Variants in GDAP2 observed in about 807,000 individuals in gnomAD.
The protein encoded by GDAP2 is ganglioside induced differentiation associated protein 2, also known as ganglioside-induced differentiation-associated protein 2.
In GDAP2, 51 loss-of-function variants were observed where a neutral mutation model predicts 67.0. That is an observed-to-expected ratio of 0.76 (90% CI 0.61 to 0.96). The LOEUF is 0.96. Ranked by LOEUF, GDAP2 falls within the 40% of genes least tolerant of loss-of-function variation. The probability of loss-of-function intolerance (pLI) is 0.00; values close to 1 mark genes in which losing one functional copy is unlikely to be tolerated. For synonymous variants in GDAP2, 203 were observed against 207.3 expected, an observed-to-expected ratio of 0.98 and a Z score of 0.18; for missense variants, 547 against 588.3, an observed-to-expected ratio of 0.93 and a Z score of 0.73.
intron 6 of GDAP2, among the ~76,000 whole-genome samples, chr1:117,900,626 C>T (rs1259503576): frequency 1.3e-5 from 2 of 151,306 alleles, no homozygotes; most frequent in South Asian, 4.2e-4. Flanking sequence ...ATTACCCAGG[C>T]GTGGTGGCGC....
chr1:117,913,457 T>A (rs1026008881), intron 3 of GDAP2: 1 of 151,966 alleles, frequency 6.6e-6, no homozygotes, highest in Non-Finnish European at 1.5e-5. Flanking sequence ...TCTCTGGAGA[T>A]GCTCAACTAG....
chr1:117,883,657 G>T (rs1648748461), intron 10 of GDAP2, 30 bp from the exon 11 acceptor site: 2 of 1,543,494 alleles, frequency 1.3e-6, no homozygotes, highest in African/African-American at 1.4e-5. Flanking sequence ...TAAAGGTGAA[G>T]ATCATTTTGA....
chr1:117,878,867 T>A (rs532062153), intron 12 of GDAP2, among the ~76,000 whole-genome samples: 2 of 152,222 alleles, frequency 1.3e-5, no homozygotes, highest in Non-Finnish European at 2.9e-5. Flanking sequence ...CACAAATTAG[T>A]CCATGTTTAT....
At chr1:117,928,511 G>A (rs1189342888) in intron 1 of GDAP2, among the ~76,000 whole-genome samples, 1 of 152,206 alleles carries the variant, frequency 6.6e-6, no homozygotes, top group Non-Finnish European at 1.5e-5. Context: ...TAAAATAATA[G>A]TTTGTGGCCA....
intron 10 of GDAP2, 104 bp from the exon 11 acceptor site, chr1:117,883,731 C>T (rs559758550): frequency 1.5e-6 from 1 of 689,262 alleles, no homozygotes; most frequent in Non-Finnish European, 2.4e-6. Context: ...AATTAACCTA[C>T]TCTATGCCCT....
intron 9 of GDAP2, 38 bp downstream of exon 9, chr1:117,887,656 CTTAA>C (rs1285368272): frequency 1.1e-6 from 1 of 949,958 alleles, no homozygotes; most frequent in South Asian, 1.3e-5. Flanking sequence ...TGGTAGGGCT[CTTAA>C]TTAGTGAAAG....
chr1:117,893,095 A>G (rs1557800273), intron 8 of GDAP2, among the ~76,000 whole-genome samples: 1 of 152,176 alleles, frequency 6.6e-6, no homozygotes, highest in Non-Finnish European at 1.5e-5. Flanking sequence ...CATTTGGCAC[A>G]TTAGTAAAAG....
chr1:117,913,400 GA>G (rs1384914807), intron 3 of GDAP2: 2 of 150,542 alleles, frequency 1.3e-5, no homozygotes, highest in Admixed American at 6.6e-5. Flanking sequence ...GTAAGGTGAT[GA>G]TTTTTTTTTT....
chr1:117,870,735 G>A, intron 13 of GDAP2, 119 bp from the exon 14 acceptor site: 2 of 742,800 alleles, frequency 2.7e-6, no homozygotes, highest in Non-Finnish European at 2.4e-6. Context: ...CACATGTCTG[G>A]CACTAAGCAG....
chr1:117,878,412 G>A (rs1648539846), intron 12 of GDAP2, among the ~76,000 whole-genome samples: 1 of 152,252 alleles, frequency 6.6e-6, no homozygotes, highest in Non-Finnish European at 1.5e-5. Context: ...TCCATTACAT[G>A]TATATAAGTT....
intron 1 of GDAP2, among the ~76,000 whole-genome samples, chr1:117,922,475 C>T (rs898249941): frequency 5.3e-5 from 8 of 152,076 alleles, no homozygotes; most frequent in Non-Finnish European, 8.8e-5. Flanking sequence ...GGGAACATGC[C>T]CCCGATAATT....
intron 6 of GDAP2, among the ~76,000 whole-genome samples, chr1:117,906,078 C>A (rs1385585696): frequency 6.6e-6 from 1 of 152,050 alleles, no homozygotes; most frequent in Non-Finnish European, 1.5e-5. Flanking sequence ...TATATTAAAC[C>A]TAACTACATA....
intron 8 of GDAP2, among the ~76,000 whole-genome samples, chr1:117,889,881 T>G (rs1299131047): frequency 2.0e-5 from 3 of 152,126 alleles, no homozygotes; most frequent in Non-Finnish European, 2.9e-5. Context: ...ACCTATTAAC[T>G]TCTATACTCT....
rs1329465124 is a variant in GDAP2 at position 117,887,719 on chromosome 1, G to C, written c.1009C>G (p.Leu337Val). ...RSEDLSDIASLKALYQTGVDN... is the reference protein window; with the variant it reads ...RSEDLSDIASVKALYQTGVDN... ...TCACCTGTTTGGTATAAGGCTTTTA[G>C]AGAAGCAATATCAGACAGATCCTCA... The change falls in exon 9 of 14, where the codon CTA becomes GTA. Residue 337 changes from leucine (L) to valine (V), a missense_variant. Coordinates refer to ENST00000369443, the MANE Select transcript of GDAP2 (RefSeq NM_017686.4). The C allele has an allele frequency of 6.4e-7, 1 of 1,571,808 alleles. No individual in the cohort carries two copies. Among genetic ancestry groups the C allele is most frequent in the Non-Finnish European group, 8.8e-7 (1 of 1,142,176 alleles).
rs954992296 is a variant in GDAP2, at chr1:117,898,905, T to C, written c.796+152A>G. Reference sequence around the variant, plus strand: ...ATACTTTTATTTTTAATTTCAAGAATAGAACTTGAAAACTTCTAAACTGGT... The same window carrying C: ...ATACTTTTATTTTTAATTTCAAGAACAGAACTTGAAAACTTCTAAACTGGT... On this transcript the variant is annotated intron_variant, in intron 7 of 13. Coordinates refer to ENST00000369443, the MANE Select transcript of GDAP2 (RefSeq NM_017686.4). The C allele has an allele frequency of 6.3e-5, 41 of 655,990 alleles. No homozygotes were observed. The East Asian group carries it at 8.0e-4, about 13-fold the overall frequency. 40.6% of individuals were successfully genotyped at this position (655,990 alleles called of 1,614,324 possible). A position where few individuals can be genotyped will look rare whatever the true frequency, so the allele number is the denominator to read the frequency against.
chr1:117,881,469 A>G (rs763622559), intron 12 of GDAP2, among the ~76,000 whole-genome samples: 5 of 152,174 alleles, frequency 3.3e-5, no homozygotes, highest in Admixed American at 2.0e-4. Context: ...AGGATTGGTC[A>G]GGGAAGGATT....
At chr1:117,905,426 T>C (rs775038257) in intron 6 of GDAP2, among the ~76,000 whole-genome samples, 1 of 152,194 alleles carries the variant, frequency 6.6e-6, no homozygotes, top group Non-Finnish European at 1.5e-5. Context: ...GTATGACCGC[T>C]GTCATTTGCC....
intron 5 of GDAP2, among the ~76,000 whole-genome samples, chr1:117,910,664 A>G (rs1649821963): frequency 6.6e-6 from 1 of 152,170 alleles, no homozygotes; most frequent in South Asian, 2.1e-4. Context: ...CTTAAAGATG[A>G]TTTAGTATAG....
Position 117,868,656 on chromosome 1 carries a change from G to A in GDAP2, c.*1913C>T, listed in dbSNP as rs1238760755. ...TGGCAGACTTTCATAGCTGCTCCTTGTGAAGAAGATACCTCAAATATGATC... is the reference window on the plus strand; with the variant it reads ...TGGCAGACTTTCATAGCTGCTCCTTATGAAGAAGATACCTCAAATATGATC... On this transcript the variant is annotated 3_prime_UTR_variant, in exon 14 of 14. Coordinates refer to ENST00000369443, the MANE Select transcript of GDAP2 (RefSeq NM_017686.4). 6.6e-6 allele frequency: 1 copy of A among 152,080 alleles called. No homozygotes were observed. Among genetic ancestry groups the A allele is most frequent in the African/African-American group, 2.4e-5 (1 of 41,400 alleles). The allele number at this position is 152,080 out of a possible 1,614,324, so 9.4% of individuals were successfully genotyped here. A position where few individuals can be genotyped will look rare whatever the true frequency, so the allele number is the denominator to read the frequency against.
Sources: gnomAD v4.1 joint callset for allele counts (sites outside exome capture counted in the v4.1 genomes callset) on GRCh38, gnomAD v4.1.1 for gene constraint, MANE v1.5 for transcripts, NCBI Gene and HGNC (gene_info 2026-07-23, HGNC 2026-07-21) for gene names.